Variants in CWC25 observed in about 807,000 individuals in gnomAD.
CWC25 encodes the protein CWC25 spliceosome associated protein.
Under a neutral mutation model 54.6 loss-of-function variants are expected in CWC25, and 31 were observed. That is an observed-to-expected ratio of 0.57 (90% confidence interval 0.43 to 0.77). CWC25 has a LOEUF of 0.77. CWC25 is among the 30% of genes least tolerant of loss of function. The pLI is 0.00. For missense variants in CWC25, 453 were observed against 529.3 expected (o/e 0.86, Z 1.41); for synonymous variants, 151 against 187.0 (o/e 0.81, Z 1.57).
rs112194664 is a variant in CWC25, at chr17:38,813,147, C to CA, written c.429-284dup. Among the ~76,000 whole-genome samples the CA allele has an allele frequency of 1.2e-3, 153 of 130,636 alleles. 1 individual carries two copies. The highest frequency in any genetic ancestry group is 7.6e-3 in the South Asian group (31 of 4,076). The allele number at this position is 130,636 out of a possible 152,430, so 85.7% of individuals were successfully genotyped here. ...GGGTGACACAGCAAGACTCTGTCTC[C>CA]AAAAAAAAAAAATCTACATGATGAT... is the stretch of plus-strand genomic sequence containing the variant. On this transcript the variant is annotated intron_variant, in intron 3 of 9. Transcript: ENST00000614790.
Position 38,814,878 on chromosome 17 carries a change from G to A in CWC25, c.411C>T (p.Asp137=), listed in dbSNP as rs535211356. 7 of 1,613,200 alleles carry A rather than the reference G, an allele frequency of 4.3e-6. No individual in the cohort carries two copies. The highest frequency in any genetic ancestry group is 5.9e-6 in the Non-Finnish European group (7 of 1,179,738). Residue 137 remains aspartate (D), a synonymous_variant, in exon 3 of 10, where the codon GAC becomes GAT. Transcript: ENST00000614790. ...LLDMASKIRE[D]PLFIIRKKEE... ...ATTAGTACCTGATGATGAAGAGTGG[G>A]TCCTCCCGGATCTTGCTGGCCATGT...
rs1210611703 is a variant in CWC25, at chr17:38,807,947, T to C, written c.691-971A>G. Among the ~76,000 whole-genome samples the C allele has an allele frequency of 3.5e-4, 48 of 136,578 alleles. 6 individuals carry two copies. The highest frequency in any genetic ancestry group is 1.3e-3 in the African/African-American group (47 of 37,598). 89.6% of individuals were successfully genotyped at this position (136,578 alleles called of 152,430 possible). A position where few individuals can be genotyped will look rare whatever the true frequency, so the allele number is the denominator to read the frequency against. ...GGTGGGCACCTGTAGTCCCAGCTAC[T>C]TGGGAAGCTGAGGCAGGAGAATGGC... On this transcript the variant is annotated intron_variant, in intron 6 of 9. Transcript: ENST00000614790.
At chr17:38,816,694 T>A (rs745363341) in intron 2 of CWC25, among the ~76,000 whole-genome samples, 25 of 151,732 alleles carry the variant, frequency 1.6e-4, no homozygotes, top group Non-Finnish European at 2.1e-4. Flanking sequence ...GACCCTTTTT[T>A]TTTTCCCCCA....
chr17:38,810,920 CAA>C (rs71352314), intron 4 of CWC25, among the ~76,000 whole-genome samples: 4 of 71,406 alleles, frequency 5.6e-5, no homozygotes, highest in African/African-American at 1.2e-4. Context: ...AACTGTGTCT[CAA>C]AAAAAAAAAA....
At chr17:38,814,401 C>T (rs1259848792) in intron 3 of CWC25, among the ~76,000 whole-genome samples, 5 of 151,018 alleles carry the variant, frequency 3.3e-5, no homozygotes, top group Non-Finnish European at 7.4e-5. Flanking sequence ...CTGCCTCAGC[C>T]TCCCAAATAG....
At chr17:38,807,013 A>C (rs915162475) in intron 6 of CWC25, 37 bp from the exon 7 acceptor site, 6 of 1,558,094 alleles carry the variant, frequency 3.9e-6, no homozygotes, top group Admixed American at 3.6e-5. Context: ...ATTCACATGG[A>C]AAATCCAGCT....
intron 8 of CWC25, among the ~76,000 whole-genome samples, chr17:38,805,210 G>C (rs189457173): frequency 1.3e-5 from 2 of 151,852 alleles, no homozygotes; most frequent in African/African-American, 4.8e-5. Context: ...CGGAGGCAGA[G>C]GTTGTAGTGA....
intron 1 of CWC25, 92 bp downstream of exon 1, chr17:38,825,074 G>A (rs1477428221): frequency 1.5e-5 from 18 of 1,202,202 alleles, no homozygotes; most frequent in Admixed American, 6.1e-5. Flanking sequence ...AAGCTGCGTT[G>A]CCATGGTTAT....
At chr17:38,813,981 C>T (rs954186328) in intron 3 of CWC25, among the ~76,000 whole-genome samples, 2 of 152,108 alleles carry the variant, frequency 1.3e-5, no homozygotes, top group Non-Finnish European at 1.5e-5. Context: ...CCTGCCTCAG[C>T]CTCCTGAGTA....
intron 1 of CWC25, among the ~76,000 whole-genome samples, chr17:38,822,211 G>A (rs750865263): frequency 6.6e-6 from 1 of 151,988 alleles, no homozygotes; most frequent in Non-Finnish European, 1.5e-5. Context: ...TTACAGGCAT[G>A]CGCCACCACA....
At chr17:38,809,473 T>C (rs1464444721) in intron 6 of CWC25, among the ~76,000 whole-genome samples, 3 of 151,618 alleles carry the variant, frequency 2.0e-5, no homozygotes, top group Non-Finnish European at 4.4e-5. Context: ...AATGTGTGCA[T>C]TTCATGTAAA....
Position 38,809,685 on chromosome 17 carries a change from G to A in CWC25, c.690+17C>T, listed in dbSNP as rs758102390. On this transcript the variant is annotated intron_variant, in intron 6 of 9. Coordinates refer to ENST00000614790, the MANE Select transcript of CWC25 (RefSeq NM_017748.5). ...ACAGTCCCACAGTCACTCCTTTCAA[G>A]AAGCCCACATCCCTACCTGTAAGCC... 6 of 1,612,484 alleles carry A rather than the reference G, an allele frequency of 3.7e-6. No homozygotes were observed. The highest frequency in any genetic ancestry group is 1.7e-5 in the Admixed American group (1 of 59,708).
intron 2 of CWC25, among the ~76,000 whole-genome samples, chr17:38,817,017 A>G (rs904764911): frequency 4.6e-5 from 7 of 151,742 alleles, no homozygotes; most frequent in African/African-American, 7.3e-5. Context: ...TATTAAAAAA[A>G]TGAGTCTGAG....
At chr17:38,822,775 A>G (rs1911974773) in intron 1 of CWC25, among the ~76,000 whole-genome samples, 1 of 151,976 alleles carries the variant, frequency 6.6e-6, no homozygotes, top group African/African-American at 2.4e-5. Context: ...GAAGAAGCCA[A>G]GTGAGAAAGG....
intron 7 of CWC25, 51 bp downstream of exon 7, chr17:38,806,714 G>A (rs1911255484): frequency 2.7e-6 from 4 of 1,462,796 alleles, no homozygotes; most frequent in Non-Finnish European, 3.7e-6. Context: ...ATGCCTGCTG[G>A]GACCAGGCCC....
Position 38,806,303 on chromosome 17 carries a change from T to A in CWC25, c.995A>T (p.Tyr332Phe). The A allele has an allele frequency of 6.2e-7, 1 of 1,610,898 alleles. No homozygotes were observed. Among genetic ancestry groups the A allele is most frequent in the Non-Finnish European group, 8.5e-7 (1 of 1,178,548 alleles). Residue 332 changes from tyrosine to phenylalanine, a missense_variant, in exon 8 of 10, where the codon TAC (tyrosine) becomes TTC (phenylalanine). Tyr to Phe is a conservative substitution (Grantham distance 22). Transcript: ENST00000614790. ...EVYQRRHAPG[Y>F]TRKLSAEELE... ...AACTGGGCTCCTGACTCACCTGGTG[T>A]ATCCGGGAGCATGTCGCCTTTGGTA...
In CWC25 at chr17:38,808,446, G is replaced by A. The variant is rs1438882557; in HGVS notation, c.690+1256C>T. Among the ~76,000 whole-genome samples, 4 of 139,756 alleles carry A rather than the reference G, an allele frequency of 2.9e-5. 1 individual carries two copies. The highest frequency in any genetic ancestry group is 4.7e-5 in the Non-Finnish European group (3 of 63,446). The allele number at this position is 139,756 out of a possible 152,430, so 91.7% of individuals were successfully genotyped here. A position where few individuals can be genotyped will look rare whatever the true frequency, so the allele number is the denominator to read the frequency against. ...TCTTCACTATAGGTTAAGGAAGAGC[G>A]AGATGCAGAAGCATGGAGGACAGGA... On this transcript the variant is annotated intron_variant, in intron 6 of 9. Transcript: ENST00000614790.
chr17:38,825,279 T>C lies in CWC25; in HGVS notation c.-96A>G. 1 of 1,371,968 alleles carries C rather than the reference T, an allele frequency of 7.3e-7. No homozygotes were observed. The highest frequency in any genetic ancestry group is 9.9e-7 in the Non-Finnish European group (1 of 1,006,772). The allele number at this position is 1,371,968 out of a possible 1,614,324, so 85.0% of individuals were successfully genotyped here. The stretch of plus-strand genomic sequence containing the variant: ...ATAGTTCGGGGGCTACCTCGCGGGA[T>C]CTAGTCCCAGGAGCCGTCAACTGCC... On this transcript the variant is annotated 5_prime_UTR_variant, in exon 1 of 10. Transcript: ENST00000614790.
intron 4 of CWC25, among the ~76,000 whole-genome samples, chr17:38,812,255 C>T (rs1457977282): frequency 1.3e-5 from 2 of 151,948 alleles, no homozygotes; most frequent in African/African-American, 4.8e-5. Context: ...CTTTATACCA[C>T]GACCAAGGGC....
Sources: gnomAD v4.1 joint callset for allele counts (sites outside exome capture counted in the v4.1 genomes callset) on GRCh38, gnomAD v4.1.1 for gene constraint, MANE v1.5 for transcripts, NCBI Gene and HGNC (gene_info 2026-07-23, HGNC 2026-07-21) for gene names.